Variants in SARM1 observed in about 807,000 individuals in gnomAD.
SARM1 encodes the protein sterile alpha and TIR motif containing 1.
SARM1 carries 60 observed loss-of-function variants against 65.1 expected under a neutral mutation model. The observed-to-expected ratio is 0.92, with a 90% CI of 0.75 to 1.14. SARM1 has a LOEUF of 1.14. Ranked by LOEUF, SARM1 falls within the 50% of genes most tolerant of loss-of-function variation. The pLI is 0.00. For synonymous variants in SARM1, 417 were observed against 465.4 expected (o/e 0.90, Z 1.34); for missense variants, 913 against 1,015.7 (o/e 0.90, Z 1.37).
intron 5 of SARM1, among the ~76,000 whole-genome samples, chr17:28,387,568 C>T (rs1226821136): frequency 3.9e-5 from 6 of 152,166 alleles, no homozygotes; most frequent in Non-Finnish European, 8.8e-5. Context: ...ATTGAGGAGG[C>T]TGGCATTGGA....
Position 28,384,262 on chromosome 17 carries a change from G to C in SARM1, c.1090-95G>C. The C allele has an allele frequency of 9.7e-7, 1 of 1,034,656 alleles. No homozygotes were observed. The highest frequency in any genetic ancestry group is 1.6e-5 in the African/African-American group (1 of 61,846). 64.1% of individuals were successfully genotyped at this position (1,034,656 alleles called of 1,614,324 possible). A position where few individuals can be genotyped will look rare whatever the true frequency, so the allele number is the denominator to read the frequency against. On this transcript the variant is annotated intron_variant, in intron 2 of 8. Coordinates refer to ENST00000585482, the MANE Select transcript of SARM1 (RefSeq NM_015077.4). This position sits in a 1 kb window ranked among gnomAD's most constrained non-coding sequence, Gnocchi z 4.4. ...GGGCCAGGGCAGATGGAGAGACTTTGGGTTGTGAGAAGAGACAAGGAGAGG... is the reference window on the plus strand; with the variant it reads ...GGGCCAGGGCAGATGGAGAGACTTTCGGTTGTGAGAAGAGACAAGGAGAGG...
rs1235628898 is a variant in SARM1 at position 28,401,649 on chromosome 17, T to C, written c.*5363T>C. The C allele has an allele frequency of 6.6e-6, 1 of 152,294 alleles. No individual in the cohort carries two copies. The highest frequency in any genetic ancestry group is 1.5e-5 in the Non-Finnish European group (1 of 68,102). 9.4% of individuals were successfully genotyped at this position (152,294 alleles called of 1,614,324 possible). ...ATTCTGTCACATCTAGAGGGGTCTGTGATGTCATCAAAAGCAAACCACCCA... is the reference window on the plus strand; with the variant it reads ...ATTCTGTCACATCTAGAGGGGTCTGCGATGTCATCAAAAGCAAACCACCCA... On this transcript the variant is annotated 3_prime_UTR_variant, in exon 9 of 9. Transcript: ENST00000585482.
rs782304632 is a variant in SARM1, at chr17:28,381,308, C to G, written c.576C>G (p.Phe192Leu). The stretch of plus-strand genomic sequence containing the variant: ...TGGCAGGCATCTTGGAGCACATGTT[C>G]AAGCATTCGGAGGAGACATGCCAGA... ...RSVAGILEHM[F>L]KHSEETCQRL... is the part of the protein sequence containing the mutation. Residue 192 changes from phenylalanine to leucine, a missense_variant, in exon 2 of 9, where the codon TTC (phenylalanine) becomes TTG (leucine). Phe to Leu is a conservative substitution (Grantham distance 22). Coordinates refer to ENST00000585482, the MANE Select transcript of SARM1 (RefSeq NM_015077.4). The G allele has an allele frequency of 1.9e-6, 3 of 1,602,940 alleles. No individual in the cohort carries two copies. The South Asian group carries it at 3.4e-5, about 18-fold the overall frequency.
intron 7 of SARM1, among the ~76,000 whole-genome samples, chr17:28,389,446 C>T (rs1222558049): frequency 6.6e-6 from 1 of 152,154 alleles, no homozygotes; most frequent in Non-Finnish European, 1.5e-5. Context: ...TTATTGAATA[C>T]TAACAGAATG....
chr17:28,381,379 G>A lies in SARM1; in HGVS notation c.647G>A (p.Arg216His). The A allele has an allele frequency of 6.4e-7, 1 of 1,564,354 alleles. No homozygotes were observed. The highest frequency in any genetic ancestry group is 8.7e-7 in the Non-Finnish European group (1 of 1,155,190). The change falls in exon 2 of 9, where the codon CGC becomes CAC. Residue 216 changes from arginine (R) to histidine (H), a missense_variant. By Grantham distance (29) the Arg-to-His change is conservative. Coordinates refer to ENST00000585482, the MANE Select transcript of SARM1 (RefSeq NM_015077.4). ...GGLDAVLYWC[R>H]RTDPALLRHC... is the part of the protein sequence containing the mutation. ...CTGGACGCGGTGCTGTATTGGTGCC[G>A]CCGCACGGACCCCGCGCTGCTGCGC...
chr17:28,388,452 G>A lies in SARM1; in HGVS notation c.1836G>A (p.Met612Ile). ...AGGACAAACTCATCCAGAGTGTCAT[G>A]GGTGCCCGCAACTTTGTGTTGGTGC... is the stretch of plus-strand genomic sequence containing the variant. ...KFEDKLIQSVMGARNFVLVLS... is the reference protein window; with the variant it reads ...KFEDKLIQSVIGARNFVLVLS... Residue 612 changes from methionine (M) to isoleucine (I), a missense_variant, in exon 7 of 9, where the codon ATG becomes ATA. Transcript: ENST00000585482. 6.2e-7 allele frequency: 1 copy of A among 1,614,010 alleles called. No homozygotes were observed. The highest frequency in any genetic ancestry group is 1.1e-5 in the South Asian group (1 of 91,086).
intron 7 of SARM1, among the ~76,000 whole-genome samples, chr17:28,393,314 T>A (rs1393725396): frequency 6.6e-6 from 1 of 152,120 alleles, no homozygotes; most frequent in African/African-American, 2.4e-5. Context: ...TTTGGGATGC[T>A]AAGGTGGGAG....
At chr17:28,395,151 A>G (rs1465259502) in intron 7 of SARM1, 1 of 152,240 alleles carries the variant, frequency 6.6e-6, no homozygotes, top group Non-Finnish European at 1.5e-5. Context: ...AGCTTGAATA[A>G]TAGTAATAAA....
chr17:28,389,568 C>A (rs1321488384), intron 7 of SARM1, among the ~76,000 whole-genome samples: 2 of 152,102 alleles, frequency 1.3e-5, no homozygotes, highest in Non-Finnish European at 2.9e-5. Flanking sequence ...CAGGATGAGA[C>A]AAGCAGTCAG....
At chr17:28,388,066 G>A (rs2068061116) in intron 5 of SARM1, 108 bp from the exon 6 acceptor site, 1 of 871,120 alleles carries the variant, frequency 1.1e-6, no homozygotes. Context: ...CCCAGGCTGG[G>A]CTGAGAGGGC....
chr17:28,372,399 G>C lies in SARM1; in HGVS notation c.367G>C (p.Asp123His). 3 of 1,528,692 alleles carry C rather than the reference G, an allele frequency of 2.0e-6. No homozygotes were observed. The highest frequency in any genetic ancestry group is 1.7e-6 in the Non-Finnish European group (2 of 1,144,212). The allele number at this position is 1,528,692 out of a possible 1,614,324, so 94.7% of individuals were successfully genotyped here. Residue 123 changes from aspartate to histidine, a missense_variant, in exon 1 of 9, where the codon GAT becomes CAT. Physicochemically the swap from Asp to His is moderately conservative, Grantham distance 81. Around this residue, in one of 3 missense-constraint regions of SARM1, gnomAD observed 862 missense variants for 952.1 expected, o/e 0.91. Transcript: ENST00000585482. This position sits in a 1 kb window ranked among gnomAD's most constrained non-coding sequence, Gnocchi z 5.2. ...GGGTCTGTGCGACGCCATCCGCCTCGATGGCGGCCTCGACCTGCTGTTGCG... is the reference window on the plus strand; with the variant it reads ...GGGTCTGTGCGACGCCATCCGCCTCCATGGCGGCCTCGACCTGCTGTTGCG... ...AQGLCDAIRL[D>H]GGLDLLLRLL...
intron 1 of SARM1, among the ~76,000 whole-genome samples, chr17:28,374,597 G>A (rs782670071): frequency 4.6e-5 from 7 of 152,140 alleles, no homozygotes; most frequent in Non-Finnish European, 1.0e-4. Context: ...AATGGGGCTG[G>A]AAAGAAGAGA....
At position 28,399,208 on chromosome 17, in the gene SARM1, C is replaced by T. The variant is rs1555588901; in HGVS notation, c.*2922C>T. On this transcript the variant is annotated 3_prime_UTR_variant, in exon 9 of 9. Coordinates refer to ENST00000585482, the MANE Select transcript of SARM1 (RefSeq NM_015077.4). ...CCCAAGGCTGGCACTAACCAGGTAC[C>T]ACATTCATTGTTAAGGAATGGCTGA... 6.1e-6 allele frequency: 1 copy of T among 164,358 alleles called. No homozygotes were observed. Among genetic ancestry groups the T allele is most frequent in the South Asian group, 1.7e-4 (1 of 5,950 alleles). 10.2% of individuals were successfully genotyped at this position (164,358 alleles called of 1,614,324 possible).
chr17:28,384,043 A>G lies in SARM1; in HGVS notation c.1090-314A>G, dbSNP rs552474355. Reference sequence around the variant, plus strand: ...GTGAGGTGAACTGGGAGTGATGGGCAGCTGCACTGTGCCCTGCCTGGCGCT... The same window carrying G: ...GTGAGGTGAACTGGGAGTGATGGGCGGCTGCACTGTGCCCTGCCTGGCGCT... On this transcript the variant is annotated intron_variant, in intron 2 of 8. Coordinates refer to ENST00000585482, the MANE Select transcript of SARM1 (RefSeq NM_015077.4). The surrounding 1 kb of genome is among the most constrained non-coding windows in gnomAD (Gnocchi z 4.4). Among the ~76,000 whole-genome samples the G allele has an allele frequency of 3.3e-5, 5 of 152,276 alleles. No homozygotes were observed. In the South Asian group the frequency reaches 1.0e-3, roughly 32 times the overall value.
chr17:28,375,610 A>AG (rs1356776578), intron 1 of SARM1, among the ~76,000 whole-genome samples: 1 of 151,920 alleles, frequency 6.6e-6, no homozygotes, highest in Non-Finnish European at 1.5e-5. Context: ...AAAAAAAAAA[A>AG]AAAATCACGA....
In SARM1 at chr17:28,386,467, C is replaced by T. The variant is rs1175093833; in HGVS notation, c.1630+1192C>T. ...TTAAAGAATTCAAATACATTTCCCA[C>T]AGTCATAAAAGTCATTAGATGGCAA... On this transcript the variant is annotated intron_variant, in intron 5 of 8. Coordinates refer to ENST00000585482, the MANE Select transcript of SARM1 (RefSeq NM_015077.4). The T allele has an allele frequency of 3.3e-5, 5 of 151,710 alleles. No homozygotes were observed. In the East Asian group the frequency reaches 5.8e-4, roughly 18 times the overall value. 9.4% of individuals were successfully genotyped at this position (151,710 alleles called of 1,614,324 possible). A position where few individuals can be genotyped will look rare whatever the true frequency, so the allele number is the denominator to read the frequency against.
In SARM1 at chr17:28,400,140, C is replaced by G. The variant is rs2068178028; in HGVS notation, c.*3854C>G. On this transcript the variant is annotated 3_prime_UTR_variant, in exon 9 of 9. Transcript: ENST00000585482. ...GAATTCCCGGGCTCAAGTGGTCCTC[C>G]TGCCTCAGCCTCCCACAGGATCGGG... The G allele has an allele frequency of 4.3e-6, 1 of 234,224 alleles. No homozygotes were observed. Among genetic ancestry groups the G allele is most frequent in the Admixed American group, 5.1e-5 (1 of 19,504 alleles). 14.5% of individuals were successfully genotyped at this position (234,224 alleles called of 1,614,324 possible).
intron 7 of SARM1, among the ~76,000 whole-genome samples, chr17:28,390,679 A>T (rs80210160): frequency 1.4e-5 from 2 of 143,596 alleles, no homozygotes; most frequent in East Asian, 2.0e-4. Flanking sequence ...TGGGCAAGAT[A>T]AAAAAAAAAA....
intron 7 of SARM1, 101 bp from the exon 8 acceptor site, chr17:28,395,804 T>TG (rs1358616675): frequency 7.3e-7 from 1 of 1,368,934 alleles, no homozygotes; most frequent in Non-Finnish European, 1.0e-6. Flanking sequence ...TGTCCTGCCC[T>TG]GGGCCCAGCC....
Sources: gnomAD v4.1 joint callset for allele counts (sites outside exome capture counted in the v4.1 genomes callset) on GRCh38, gnomAD v4.1.1 for gene constraint, gnomAD v4.1.1 regional missense constraint, Gnocchi (gnomAD v3.1) non-coding constraint, MANE v1.5 for transcripts, NCBI Gene and HGNC (gene_info 2026-07-23, HGNC 2026-07-21) for gene names.